SPATS2: variants seen among roughly 807,000 people sequenced by gnomAD.
The protein encoded by SPATS2 is spermatogenesis-associated serine-rich protein 2.
SPATS2 carries 38 observed loss-of-function variants against 63.7 expected under a neutral mutation model. The observed-to-expected ratio is 0.60, with a 90% CI of 0.46 to 0.78. The LOEUF (loss-of-function observed/expected upper bound fraction) is 0.78. Among genes scored for constraint, SPATS2 ranks in the 30% least tolerant of loss-of-function variants. The pLI, the probability that SPATS2 is intolerant of heterozygous loss-of-function variation, is 0.00. For missense variants in SPATS2, 588 were observed against 666.2 expected (o/e 0.88, Z 1.29); for synonymous variants, 207 against 232.9 (o/e 0.89, Z 1.01).
chr12:49,521,805 G>A (rs555410930), intron 11 of SPATS2, among the ~76,000 whole-genome samples: 5 of 152,144 alleles, frequency 3.3e-5, no homozygotes, highest in African/African-American at 4.8e-5. Context: ...CAAGAGGTTC[G>A]TGTGCTTTCC....
At chr12:49,427,070 G>A (rs1399573437) in intron 2 of SPATS2, among the ~76,000 whole-genome samples, 3 of 152,100 alleles carry the variant, frequency 2.0e-5, no homozygotes, top group African/African-American at 7.2e-5. Flanking sequence ...TTGCTAAACA[G>A]ATTTTTATAC....
intron 2 of SPATS2, among the ~76,000 whole-genome samples, chr12:49,404,910 A>G (rs1167464305): frequency 6.6e-6 from 1 of 152,114 alleles, no homozygotes; most frequent in African/African-American, 2.4e-5. Flanking sequence ...ATATTTTGTG[A>G]CACATGAAAA....
At chr12:49,431,027 CAGATA>C (rs1853433279) in intron 2 of SPATS2, among the ~76,000 whole-genome samples, 1 of 152,044 alleles carries the variant, frequency 6.6e-6, no homozygotes, top group Admixed American at 6.6e-5. Context: ...TTTTTTTGAA[CAGATA>C]AGATGTTTAT....
intron 3 of SPATS2, among the ~76,000 whole-genome samples, chr12:49,471,811 AC>A (rs1471758790): frequency 6.6e-6 from 1 of 151,980 alleles, no homozygotes; most frequent in Non-Finnish European, 1.5e-5. Context: ...CCACCATTCT[AC>A]CTACTGTCTT....
chr12:49,438,900 G>C (rs1945365413), intron 2 of SPATS2, among the ~76,000 whole-genome samples: 1 of 152,116 alleles, frequency 6.6e-6, no homozygotes, highest in African/African-American at 2.4e-5. Flanking sequence ...GATAATCAAA[G>C]GCTCTGTCCT....
At chr12:49,512,338 T>A (rs1172075406) in intron 9 of SPATS2, among the ~76,000 whole-genome samples, 1 of 152,228 alleles carries the variant, frequency 6.6e-6, no homozygotes, top group Non-Finnish European at 1.5e-5. Flanking sequence ...AAGTTCTTAC[T>A]GCTTTTCATT....
intron 9 of SPATS2, among the ~76,000 whole-genome samples, chr12:49,505,750 G>A (rs1946644892): frequency 6.6e-6 from 1 of 152,116 alleles, no homozygotes; most frequent in Admixed American, 6.6e-5. Flanking sequence ...ATAAATGTAT[G>A]TCTTAGGTTA....
At chr12:49,493,724 C>T (rs552054170) in intron 6 of SPATS2, among the ~76,000 whole-genome samples, 4 of 152,256 alleles carry the variant, frequency 2.6e-5, no homozygotes, top group South Asian at 2.1e-4. Flanking sequence ...ACATCTTTAT[C>T]CCATCCCTGT....
chr12:49,462,343 G>A (rs1195115209), intron 3 of SPATS2: 3 of 702,418 alleles, frequency 4.3e-6, no homozygotes, highest in Middle Eastern at 2.3e-4. Flanking sequence ...GGCTGCTTCA[G>A]TACCAGCAGG....
chr12:49,444,534 A>G (rs1399159837), intron 2 of SPATS2, among the ~76,000 whole-genome samples: 1 of 151,538 alleles, frequency 6.6e-6, no homozygotes, highest in Non-Finnish European at 1.5e-5. Flanking sequence ...TCGTGATGCT[A>G]TTGTGAATGT....
At chr12:49,476,067 T>A (rs752049000) in intron 3 of SPATS2, among the ~76,000 whole-genome samples, 13 of 152,092 alleles carry the variant, frequency 8.5e-5, no homozygotes, top group Non-Finnish European at 1.9e-4. Flanking sequence ...ATTTTTGTTT[T>A]CCTGGCCAAA....
chr12:49,429,867 GC>G (rs1291370289), intron 2 of SPATS2, among the ~76,000 whole-genome samples: 7 of 147,794 alleles, frequency 4.7e-5, no homozygotes, highest in African/African-American at 1.5e-4. Context: ...TGCAACCTCC[GC>G]CTCCTGGGTT....
At chr12:49,404,733 G>A (rs74088733) in intron 2 of SPATS2, among the ~76,000 whole-genome samples, 4,064 of 152,240 alleles carry the variant, frequency 0.027, 179 homozygotes, top group African/African-American at 0.092. Flanking sequence ...AGAGAACAGA[G>A]TCATCTGTTC....
chr12:49,378,767 A>C (rs1228851314), intron 2 of SPATS2, among the ~76,000 whole-genome samples: 3 of 151,430 alleles, frequency 2.0e-5, no homozygotes, highest in Admixed American at 6.6e-5. Context: ...GGCTAATGTA[A>C]AAATTTTTTG....
intron 11 of SPATS2, among the ~76,000 whole-genome samples, chr12:49,520,785 C>T (rs1412030431): frequency 6.7e-6 from 1 of 150,304 alleles, no homozygotes; most frequent in Non-Finnish European, 1.5e-5. Flanking sequence ...GTGGCGCTGT[C>T]GCCACTCACT....
intron 2 of SPATS2, among the ~76,000 whole-genome samples, chr12:49,378,130 G>T (rs1342844643): frequency 6.6e-6 from 1 of 151,942 alleles, no homozygotes; most frequent in South Asian, 2.1e-4. Context: ...TCGCCACCAT[G>T]CCTGGCTAAT....
rs572948194 is a variant in SPATS2 at position 49,478,150 on chromosome 12, T to C, written c.26-6440T>C. Among the ~76,000 whole-genome samples, 5 of 151,998 alleles carry C rather than the reference T, an allele frequency of 3.3e-5. No homozygotes were observed. In the East Asian group the frequency reaches 9.7e-4, roughly 29 times the overall value. ...CATGCCAGCATGCCCAGCTACTTTTTAAATTTTTTATAGAAATGGGGACTA... is the reference window on the plus strand; with the variant it reads ...CATGCCAGCATGCCCAGCTACTTTTCAAATTTTTTATAGAAATGGGGACTA... On this transcript the variant is annotated intron_variant, in intron 3 of 13. Coordinates refer to ENST00000552918, the MANE Select transcript of SPATS2 (RefSeq NM_023071.4).
At chr12:49,448,560 G>A (rs1945558493) in intron 2 of SPATS2, among the ~76,000 whole-genome samples, 1 of 151,686 alleles carries the variant, frequency 6.6e-6, no homozygotes, top group Non-Finnish European at 1.5e-5. Flanking sequence ...GGGCAACATG[G>A]TGAAACCCCA....
intron 2 of SPATS2, among the ~76,000 whole-genome samples, chr12:49,443,595 T>C (rs1469090316): frequency 2.0e-5 from 3 of 152,166 alleles, no homozygotes; most frequent in African/African-American, 4.8e-5. Context: ...CTTCCTCTTA[T>C]GTTTTTTCTA....
Sources: gnomAD v4.1 joint callset for allele counts (sites outside exome capture counted in the v4.1 genomes callset) on GRCh38, gnomAD v4.1.1 for gene constraint, MANE v1.5 for transcripts, NCBI Gene and HGNC (gene_info 2026-07-23, HGNC 2026-07-21) for gene names.